FYN: variants seen among roughly 807,000 people sequenced by gnomAD.
FYN encodes the protein FYN proto-oncogene, Src family tyrosine kinase.
A neutral mutation model predicts 70.2 loss-of-function variants in FYN; 10 were observed. That is an observed-to-expected ratio of 0.14 (90% CI 0.09 to 0.24). The LOEUF is 0.24. FYN is among the 10% of genes least tolerant of loss of function. The pLI, the probability that FYN is intolerant of heterozygous loss-of-function variation, is 1.00. For synonymous variants in FYN, 236 were observed against 248.6 expected (o/e 0.95, Z 0.48); for missense variants, 319 against 673.1 (o/e 0.47, Z 5.82).
At chr6:111,818,593 C>T (rs1382969073) in intron 2 of FYN, 1 of 152,346 alleles carries the variant, frequency 6.6e-6, no homozygotes, top group African/African-American at 2.4e-5. Context: ...AGGGGCCCAG[C>T]TCCCTCCATG....
chr6:111,729,137 A>G (rs75243740), intron 3 of FYN, among the ~76,000 whole-genome samples: 5,720 of 152,208 alleles, frequency 0.038, 157 homozygotes, highest in East Asian at 0.13. Context: ...TCAGTGTAAA[A>G]CCATTTGGTA....
intron 2 of FYN, among the ~76,000 whole-genome samples, chr6:111,826,925 T>C (rs547791781): frequency 1.8e-4 from 27 of 152,280 alleles, no homozygotes; most frequent in African/African-American, 4.8e-4. Flanking sequence ...GAAGGGACCT[T>C]AGAAAGGGAC....
intron 3 of FYN, among the ~76,000 whole-genome samples, chr6:111,766,566 T>C (rs1562512270): frequency 6.6e-6 from 1 of 152,196 alleles, no homozygotes; most frequent in African/African-American, 2.4e-5. Flanking sequence ...GGATAATTTG[T>C]GAAGGACAGA....
rs188112668 is a variant in FYN, at chr6:111,860,582, C to T, written c.-123+12386G>A. 1.1e-4 allele frequency among the ~76,000 whole-genome samples: 16 copies of T among 152,318 alleles called. No individual in the cohort carries two copies. The East Asian group carries it at 2.3e-3, about 22-fold the overall frequency. The stretch of plus-strand genomic sequence containing the variant: ...AGATTAGGGACTCTTCCCCACATGG[C>T]ATGTTGGACTGGGGTACAATCAAAT... On this transcript the variant is annotated intron_variant, in intron 1 of 13. Coordinates refer to ENST00000354650, the MANE Select transcript of FYN (RefSeq NM_002037.5).
chr6:111,707,985 G>C lies in FYN; in HGVS notation c.380C>G (p.Thr127Ser), dbSNP rs1393179519. ...GCTGGGAATGTAACCTGTCTCTCCA[G>C]TTGTCAAGGAGCGGGCTTCCCACCA... ...GDWWEARSLTTGETGYIPSNY... is the reference protein window; with the variant it reads ...GDWWEARSLTSGETGYIPSNY... Residue 127 changes from threonine (T) to serine (S), a missense_variant, in exon 6 of 14, where the codon ACT (threonine) becomes AGT (serine). By Grantham distance (58) the Thr-to-Ser change is moderately conservative. Transcript: ENST00000354650. 1 of 1,614,054 alleles carries C rather than the reference G, an allele frequency of 6.2e-7. No individual in the cohort carries two copies. Among genetic ancestry groups the C allele is most frequent in the South Asian group, 1.1e-5 (1 of 91,082 alleles).
intron 3 of FYN, among the ~76,000 whole-genome samples, chr6:111,757,919 TTTC>T (rs1263158906): frequency 1.3e-5 from 2 of 152,206 alleles, no homozygotes; most frequent in Admixed American, 6.5e-5. Flanking sequence ...GCACATACGA[TTTC>T]TTTTTTCCAC....
intron 3 of FYN, among the ~76,000 whole-genome samples, chr6:111,777,679 G>A (rs1013756531): frequency 2.0e-5 from 3 of 152,140 alleles, no homozygotes; most frequent in Admixed American, 6.6e-5. Flanking sequence ...ATGTATTTAC[G>A]TGTTTATATA....
chr6:111,747,815 T>A (rs962788216), intron 3 of FYN, among the ~76,000 whole-genome samples: 14 of 152,252 alleles, frequency 9.2e-5, no homozygotes, highest in African/African-American at 3.4e-4. Context: ...TCTGAAGCAA[T>A]TTAATATTTG....
At position 111,857,027 on chromosome 6, in the gene FYN, G is replaced by T. The variant is rs181969460; in HGVS notation, c.-122-10398C>A. Among the ~76,000 whole-genome samples, 10 of 152,240 alleles carry T rather than the reference G, an allele frequency of 6.6e-5. No homozygotes were observed. The East Asian group carries it at 1.9e-3, about 29-fold the overall frequency. Reference sequence around the variant, plus strand: ...AAGAGAGATGAAATGCAATTAAAAAGAGCTAACTGTTTTTTTCTCCCCCTC... The same window carrying T: ...AAGAGAGATGAAATGCAATTAAAAATAGCTAACTGTTTTTTTCTCCCCCTC... On this transcript the variant is annotated intron_variant, in intron 1 of 13. Transcript: ENST00000354650.
intron 2 of FYN, among the ~76,000 whole-genome samples, chr6:111,837,739 G>A (rs528181357): frequency 1.8e-4 from 27 of 152,176 alleles, no homozygotes; most frequent in South Asian, 6.2e-4. Flanking sequence ...AGCTTCTCCC[G>A]TGGCCTAGCT....
intron 2 of FYN, among the ~76,000 whole-genome samples, chr6:111,803,870 T>C (rs947052062): frequency 6.6e-6 from 1 of 152,204 alleles, no homozygotes; most frequent in East Asian, 1.9e-4. Flanking sequence ...CATGGTATGT[T>C]AATATGGGAT....
chr6:111,863,133 G>A (rs1473119907), intron 1 of FYN, among the ~76,000 whole-genome samples: 1 of 152,172 alleles, frequency 6.6e-6, no homozygotes, highest in African/African-American at 2.4e-5. Flanking sequence ...TACATTAGCC[G>A]GCACATCCAC....
At chr6:111,868,218 C>T (rs763088335) in intron 1 of FYN, among the ~76,000 whole-genome samples, 7 of 152,120 alleles carry the variant, frequency 4.6e-5, no homozygotes, top group South Asian at 2.1e-4. Context: ...TGGTCAGAGA[C>T]TCCTTTATAG....
chr6:111,665,916 C>A (rs1583279275), intron 13 of FYN, among the ~76,000 whole-genome samples: 1 of 151,974 alleles, frequency 6.6e-6, no homozygotes, highest in Admixed American at 6.6e-5. Context: ...AGCCACCATG[C>A]CCAGCCAGAA....
intron 13 of FYN, among the ~76,000 whole-genome samples, chr6:111,670,316 C>G (rs552561543): frequency 6.6e-6 from 1 of 152,282 alleles, no homozygotes; most frequent in Admixed American, 6.5e-5. Flanking sequence ...CTCCCAGATA[C>G]CCACCTGGCT....
intron 2 of FYN, among the ~76,000 whole-genome samples, chr6:111,816,135 A>T (rs1489747024): frequency 1.3e-5 from 2 of 152,012 alleles, no homozygotes; most frequent in Non-Finnish European, 2.9e-5. Flanking sequence ...TACCTTTATG[A>T]TTTTTTTTAA....
At chr6:111,687,014 C>T (rs772382423) in intron 12 of FYN, among the ~76,000 whole-genome samples, 1 of 152,190 alleles carries the variant, frequency 6.6e-6, no homozygotes, top group Non-Finnish European at 1.5e-5. Context: ...AACCTAGCTG[C>T]CTGCTTGTTT....
At chr6:111,860,091 T>C (rs113425461) in intron 1 of FYN, among the ~76,000 whole-genome samples, 7 of 152,106 alleles carry the variant, frequency 4.6e-5, no homozygotes, top group African/African-American at 1.7e-4. Context: ...AGGGACTCCA[T>C]AAGAAATAAA....
At chr6:111,773,643 GAGGGAGA>G (rs1803590483) in intron 3 of FYN, among the ~76,000 whole-genome samples, 1 of 55,558 alleles carries the variant, frequency 1.8e-5, no homozygotes, top group Non-Finnish European at 3.3e-5. Context: ...GGGGGAGGGG[GAGGGAGA>G]GGGGAAGAGG....
Sources: gnomAD v4.1 joint callset for allele counts (sites outside exome capture counted in the v4.1 genomes callset) on GRCh38, gnomAD v4.1.1 for gene constraint, MANE v1.5 for transcripts, NCBI Gene and HGNC (gene_info 2026-07-23, HGNC 2026-07-21) for gene names.